The following PPP2CA variants were observed in gnomAD, a reference collection of about 807,000 sequenced individuals.
PPP2CA encodes serine/threonine-protein phosphatase 2A catalytic subunit alpha isoform.
In PPP2CA, 5 loss-of-function variants were observed where a neutral mutation model predicts 38.8. That is an observed-to-expected ratio of 0.13 (90% CI 0.07 to 0.27). The LOEUF is 0.27. Among genes scored for constraint, PPP2CA ranks in the 10% least tolerant of loss-of-function variants. The pLI is 1.00. For synonymous variants in PPP2CA, 152 were observed against 134.0 expected (o/e 1.13, Z -0.93); for missense variants, 88 against 389.7 (o/e 0.23, Z 6.52).
At chr5:134,223,578 T>A (rs143497850) in intron 1 of PPP2CA, among the ~76,000 whole-genome samples, 3 of 152,318 alleles carry the variant, frequency 2.0e-5, no homozygotes, top group Admixed American at 6.5e-5. Context: ...GAACTAAAAT[T>A]TGCGTAAGCA....
At position 134,196,330 on chromosome 5, in the gene PPP2CA, G is replaced by A. The variant is rs1363517377; in HGVS notation, c.*1442C>T. The stretch of plus-strand genomic sequence containing the variant: ...TTAAGTGTTCCTGTTTACTCTGGTA[G>A]GTTAAAATATCAAATATTAGTTCCC... On this transcript the variant is annotated 3_prime_UTR_variant, in exon 7 of 7. Coordinates refer to ENST00000481195, the MANE Select transcript of PPP2CA (RefSeq NM_002715.4). The A allele has an allele frequency of 6.6e-6, 1 of 152,158 alleles. No individual in the cohort carries two copies. 9.4% of individuals were successfully genotyped at this position (152,158 alleles called of 1,614,324 possible).
intron 1 of PPP2CA, among the ~76,000 whole-genome samples, chr5:134,220,812 G>A (rs951976969): frequency 3.9e-5 from 6 of 152,168 alleles, no homozygotes; most frequent in African/African-American, 1.4e-4. Flanking sequence ...GGCCACACCA[G>A]ACTGGTAATA....
rs1761824784 is a variant in PPP2CA, at chr5:134,195,280, TG to T, written c.*2491del. 1.3e-5 allele frequency: 2 copies of T among 152,226 alleles called. No homozygotes were observed. Among genetic ancestry groups the T allele is most frequent in the Admixed American group, 1.3e-4 (2 of 15,276 alleles). 9.4% of individuals were successfully genotyped at this position (152,226 alleles called of 1,614,324 possible). ...TCCTCTTTATTTTTGAGACAGGGTC[TG>T]GCTCTGTCACCCAGACTGGAGTACA... On this transcript the variant is annotated 3_prime_UTR_variant, in exon 7 of 7. Transcript: ENST00000481195.
intron 1 of PPP2CA, among the ~76,000 whole-genome samples, chr5:134,211,908 G>A (rs570705034): frequency 2.0e-5 from 3 of 152,102 alleles, no homozygotes; most frequent in South Asian, 4.2e-4. Context: ...ACTTGAGGTC[G>A]GGAGTTCGAA....
At chr5:134,200,858 CAA>C (rs1761954897) in intron 4 of PPP2CA, 125 bp downstream of exon 4, 3 of 768,922 alleles carry the variant, frequency 3.9e-6, no homozygotes, top group Non-Finnish European at 6.4e-6. Flanking sequence ...ACAGGGCAGA[CAA>C]GAGTGCTCAC....
At chr5:134,213,151 G>C (rs1036172642) in intron 1 of PPP2CA, among the ~76,000 whole-genome samples, 5 of 152,206 alleles carry the variant, frequency 3.3e-5, no homozygotes, top group African/African-American at 1.2e-4. Flanking sequence ...GACTTTACTA[G>C]CTAGAGAAGT....
rs559479385 is a variant in PPP2CA at position 134,204,812 on chromosome 5, A to C, written c.312+1110T>G. On this transcript the variant is annotated intron_variant, in intron 2 of 6. Transcript: ENST00000481195. ...TTAATGGCTGGAAACTATTCAACTG[A>C]GCTAAACCATATGTACATACATAAT... Among the ~76,000 whole-genome samples, 4 of 152,270 alleles carry C rather than the reference A, an allele frequency of 2.6e-5. No individual in the cohort carries two copies. In the East Asian group the frequency reaches 7.7e-4, roughly 29 times the overall value.
intron 6 of PPP2CA, 106 bp downstream of exon 6, chr5:134,198,980 T>C (rs73277687): frequency 0.081 from 70,579 of 869,032 alleles, 3,614 homozygotes; most frequent in Admixed American, 0.18. Context: ...GCCTAGGAGT[T>C]CGAGACAAGA....
At chr5:134,219,937 G>GGA (rs930748050) in intron 1 of PPP2CA, among the ~76,000 whole-genome samples, 27 of 150,776 alleles carry the variant, frequency 1.8e-4, no homozygotes, top group Non-Finnish European at 4.0e-4. Context: ...CTTGAACGTG[G>GGA]GAGACAAAGG....
chr5:134,223,916 C>T (rs1037469031), intron 1 of PPP2CA, among the ~76,000 whole-genome samples: 2 of 152,176 alleles, frequency 1.3e-5, no homozygotes, highest in African/African-American at 4.8e-5. Flanking sequence ...ACGGAATTGA[C>T]TGTATAATCT....
intron 1 of PPP2CA, among the ~76,000 whole-genome samples, chr5:134,223,491 C>T (rs1762492014): frequency 6.6e-6 from 1 of 152,194 alleles, no homozygotes; most frequent in South Asian, 2.1e-4. Flanking sequence ...ATGATATCCA[C>T]CAAAACGGAT....
rs1210037920 is a variant in PPP2CA, at chr5:134,196,731, T to C, written c.*1041A>G. 4 of 152,230 alleles carry C rather than the reference T, an allele frequency of 2.6e-5. No individual in the cohort carries two copies. Among genetic ancestry groups the C allele is most frequent in the African/African-American group, 9.6e-5 (4 of 41,466 alleles). 9.4% of individuals were successfully genotyped at this position (152,230 alleles called of 1,614,324 possible). On this transcript the variant is annotated 3_prime_UTR_variant, in exon 7 of 7. Coordinates refer to ENST00000481195, the MANE Select transcript of PPP2CA (RefSeq NM_002715.4). The stretch of plus-strand genomic sequence containing the variant: ...AGTAAACACATCATTTAGTTTAAGC[T>C]CTACCTGAAAACATGCTGTTTTATT...
intron 2 of PPP2CA, chr5:134,202,290 T>G (rs1761984296): frequency 6.2e-6 from 2 of 321,878 alleles, no homozygotes; most frequent in Non-Finnish European, 1.1e-5. Flanking sequence ...CCCCATAAAT[T>G]ACTTTACGGT....
intron 1 of PPP2CA, among the ~76,000 whole-genome samples, chr5:134,216,048 G>C (rs1339340448): frequency 6.6e-6 from 1 of 152,162 alleles, no homozygotes; most frequent in Non-Finnish European, 1.5e-5. Flanking sequence ...AATTTCATCA[G>C]ATGTCCAGCA....
intron 1 of PPP2CA, among the ~76,000 whole-genome samples, chr5:134,210,959 TA>T (rs2149385872): frequency 6.6e-6 from 1 of 152,266 alleles, no homozygotes; most frequent in South Asian, 2.1e-4. Flanking sequence ...AGAACAAGGT[TA>T]AAACTAGAAT....
At chr5:134,200,875 C>CAAGTTGT in intron 4 of PPP2CA, 110 bp downstream of exon 4, 1 of 913,878 alleles carries the variant, frequency 1.1e-6, no homozygotes, top group Non-Finnish European at 1.7e-6. Context: ...GCTCACACCT[C>CAAGTTGT]AAGTTGTTTT....
intron 1 of PPP2CA, among the ~76,000 whole-genome samples, chr5:134,211,768 G>A (rs1484629583): frequency 1.3e-5 from 2 of 151,572 alleles, no homozygotes; most frequent in African/African-American, 2.4e-5. Flanking sequence ...AAGCCACTGC[G>A]CCCAGTGGAA....
chr5:134,199,033 C>G, intron 6 of PPP2CA, 53 bp downstream of exon 6: 1 of 1,423,224 alleles, frequency 7.0e-7, no homozygotes, highest in Non-Finnish European at 9.9e-7. Flanking sequence ...ATAAATAAAC[C>G]AAAACCCTAC....
In PPP2CA at chr5:134,208,923, G is replaced by C. The variant is rs57348210; in HGVS notation, c.103-2792C>G. On this transcript the variant is annotated intron_variant, in intron 1 of 6. Transcript: ENST00000481195. ...GTTATTTTCTCATAGTGGAGGCAGA[G>C]TATTCCCCTGACCAATTACAATGGC... 1.5e-3 allele frequency among the ~76,000 whole-genome samples: 223 copies of C among 152,280 alleles called. 2 individuals are homozygous for C. The East Asian group carries it at 0.037, about 25-fold the overall frequency.
Sources: allele counts gnomAD v4.1 joint callset (sites outside exome capture counted in the v4.1 genomes callset), GRCh38; gene constraint gnomAD v4.1.1; transcripts MANE v1.5; gene names NCBI Gene and HGNC (gene_info 2026-07-23, HGNC 2026-07-21).